Variants in C1orf167 observed in about 807,000 individuals in gnomAD.
The protein encoded by C1orf167 is uncharacterized protein C1orf167.
C1orf167 carries 153 observed loss-of-function variants against 176.5 expected under a neutral mutation model. That is an observed-to-expected ratio of 0.87 (90% confidence interval 0.76 to 0.99). The LOEUF is 0.99. Ranked by LOEUF, C1orf167 falls within the 50% of genes least tolerant of loss-of-function variation. The probability of loss-of-function intolerance (pLI) is 0.00; values close to 1 mark genes in which losing one functional copy is unlikely to be tolerated. For missense variants in C1orf167, 1,490 were observed against 1,817.7 expected, an observed-to-expected ratio of 0.82 and a Z score of 3.28; for synonymous variants, 594 against 752.7, an observed-to-expected ratio of 0.79 and a Z score of 3.45.
At chr1:11,763,550 A>G (rs929969512) in intron 1 of C1orf167, among the ~76,000 whole-genome samples, 1 of 152,172 alleles carries the variant, frequency 6.6e-6, no homozygotes, top group Non-Finnish European at 1.5e-5. Context: ...CTTTGTTTCA[A>G]TATAACTTTA....
At chr1:11,772,796 T>C (rs1459748459) in intron 8 of C1orf167, among the ~76,000 whole-genome samples, 1 of 152,158 alleles carries the variant, frequency 6.6e-6, no homozygotes, top group Non-Finnish European at 1.5e-5. Flanking sequence ...CCCAAGGGTG[T>C]ATGTGAATAC....
rs1434476603 is a variant in C1orf167, at chr1:11,764,484, TG to T, written c.70+17del. The T allele has an allele frequency of 1.6e-6, 2 of 1,288,610 alleles. No homozygotes were observed. The highest frequency in any genetic ancestry group is 3.0e-5 in the African/African-American group (2 of 65,846). 79.8% of individuals were successfully genotyped at this position (1,288,610 alleles called of 1,614,324 possible). ...TCCCGAAGCCAGGCAAGAGGCTTAG[TG>T]GGCCTGGATGGGCAGTTACAGGAGC... On this transcript the variant is annotated intron_variant, in intron 2 of 20. Coordinates refer to ENST00000688073, the MANE Select transcript of C1orf167 (RefSeq NM_001010881.2).
intron 13 of C1orf167, among the ~76,000 whole-genome samples, chr1:11,780,814 G>A (rs111480199): frequency 8.5e-5 from 13 of 152,092 alleles, no homozygotes; most frequent in South Asian, 2.1e-4. Flanking sequence ...AGGTTGAGGC[G>A]TGGGAAGGGG....
At chr1:11,771,084 T>A (rs1475574458) in intron 6 of C1orf167, among the ~76,000 whole-genome samples, 18 of 123,708 alleles carry the variant, frequency 1.5e-4, no homozygotes, top group South Asian at 1.1e-3. Context: ...TTTTTTTTTT[T>A]TTTTTTTTTT....
At chr1:11,786,254 A>T (rs1271420196) in intron 16 of C1orf167, 1 of 152,228 alleles carries the variant, frequency 6.6e-6, no homozygotes, top group Non-Finnish European at 1.5e-5. Flanking sequence ...AACCAAACAC[A>T]AAAAATGACA....
chr1:11,763,308 G>C (rs1243244869), intron 1 of C1orf167, among the ~76,000 whole-genome samples: 1 of 152,166 alleles, frequency 6.6e-6, no homozygotes, highest in Non-Finnish European at 1.5e-5. Context: ...TGGCGTGGTG[G>C]CATGTGCCTG....
intron 6 of C1orf167, among the ~76,000 whole-genome samples, chr1:11,769,339 CTT>C (rs1481994339): frequency 6.6e-6 from 1 of 152,210 alleles, no homozygotes; most frequent in Non-Finnish European, 1.5e-5. Context: ...AATCCCAACA[CTT>C]TGGGAGGCCT....
Position 11,779,755 on chromosome 1 carries a change from A to T in C1orf167, c.2652-47A>T, listed in dbSNP as rs964431001. The T allele has an allele frequency of 2.4e-6, 3 of 1,253,162 alleles. No individual in the cohort carries two copies. In the African/African-American group the frequency reaches 4.6e-5, roughly 19 times the overall value. 77.6% of individuals were successfully genotyped at this position (1,253,162 alleles called of 1,614,324 possible). On this transcript the variant is annotated intron_variant, in intron 12 of 20. Transcript: ENST00000688073. Reference sequence around the variant, plus strand: ...GAGGGTGGGGCAGGGCTGGCCTGGGATTTGGGGGACAGTGGCCATCCTCAG... The same window carrying T: ...GAGGGTGGGGCAGGGCTGGCCTGGGTTTTGGGGGACAGTGGCCATCCTCAG...
At chr1:11,780,384 ACT>A (rs1421621807) in intron 13 of C1orf167, among the ~76,000 whole-genome samples, 1 of 151,986 alleles carries the variant, frequency 6.6e-6, no homozygotes, top group East Asian at 1.9e-4. Context: ...AGGGACAGTG[ACT>A]CTGCAGAGTG....
At chr1:11,780,067 G>GTC in intron 13 of C1orf167, 57 bp downstream of exon 13, 2 of 1,184,892 alleles carry the variant, frequency 1.7e-6, no homozygotes, top group South Asian at 1.5e-5. Context: ...GGGTCTGTCT[G>GTC]AGACCCAGAC....
intron 1 of C1orf167, among the ~76,000 whole-genome samples, chr1:11,763,639 G>A (rs968634710): frequency 3.9e-5 from 6 of 152,188 alleles, no homozygotes; most frequent in African/African-American, 1.4e-4. Context: ...GGGGCATTGA[G>A]GGGGCTGGAG....
chr1:11,781,198 A>G (rs934235264), intron 13 of C1orf167, among the ~76,000 whole-genome samples: 1 of 151,806 alleles, frequency 6.6e-6, no homozygotes, highest in African/African-American at 2.4e-5. Context: ...GGGTTTCACC[A>G]TGTTGGCCAG....
At chr1:11,763,077 G>C (rs1302069512) in intron 1 of C1orf167, among the ~76,000 whole-genome samples, 1 of 152,184 alleles carries the variant, frequency 6.6e-6, no homozygotes, top group African/African-American at 2.4e-5. Flanking sequence ...CAGGGGGCTG[G>C]TGTGTGTGGA....
chr1:11,789,045 C>T (rs1394853386), intron 20 of C1orf167: 3 of 407,876 alleles, frequency 7.4e-6, no homozygotes, highest in Non-Finnish European at 4.6e-6. Context: ...GGGTCCTGAG[C>T]GCCCCCTCCC....
rs1385146359 is a variant in C1orf167, at chr1:11,775,529, G to A, written c.2083G>A (p.Glu695Lys). The change falls in exon 9 of 21, where the codon GAA becomes AAA. Residue 695 changes from glutamate to lysine, a missense_variant. Glu to Lys is a moderately conservative substitution (Grantham distance 56). Transcript: ENST00000688073. The part of the protein sequence containing the change: ...RRTGTLRKCL[E>K]QWVRMKQLRE... Reference sequence around the variant, plus strand: ...GACGGGGACCCTGAGGAAATGCCTGGAACAGTGGGTGCGGATGAAGCAGCT... The same window carrying A: ...GACGGGGACCCTGAGGAAATGCCTGAAACAGTGGGTGCGGATGAAGCAGCT... The A allele has an allele frequency of 2.6e-5, 34 of 1,304,166 alleles. No individual in the cohort carries two copies. Among genetic ancestry groups the A allele is most frequent in the Non-Finnish European group, 3.4e-5 (34 of 988,956 alleles). The allele number at this position is 1,304,166 out of a possible 1,614,324, so 80.8% of individuals were successfully genotyped here.
At chr1:11,767,816 ACT>A (rs1271970791) in intron 4 of C1orf167, among the ~76,000 whole-genome samples, 5 of 151,618 alleles carry the variant, frequency 3.3e-5, no homozygotes, top group Non-Finnish European at 7.4e-5. Context: ...ACAGAGCAAG[ACT>A]CTGTCTCAAA....
intron 4 of C1orf167, 105 bp downstream of exon 4, chr1:11,767,369 G>A (rs1313962465): frequency 1.9e-6 from 2 of 1,027,862 alleles, no homozygotes; most frequent in Non-Finnish European, 2.6e-6. Flanking sequence ...CTGATGGAGA[G>A]GAGGCAGGGT....
At chr1:11,771,045 G>GTATA (rs1557726743) in intron 6 of C1orf167, among the ~76,000 whole-genome samples, 4 of 68,634 alleles carry the variant, frequency 5.8e-5, no homozygotes, top group East Asian at 3.6e-4. Context: ...GTGTGTGTGT[G>GTATA]TGTGTATATA....
chr1:11,782,343 C>G lies in C1orf167; in HGVS notation c.3005+10C>G. 8.1e-7 allele frequency: 1 copy of G among 1,232,686 alleles called. No individual in the cohort carries two copies. Among genetic ancestry groups the G allele is most frequent in the Admixed American group, 3.0e-5 (1 of 33,480 alleles). The allele number at this position is 1,232,686 out of a possible 1,614,324, so 76.4% of individuals were successfully genotyped here. A position where few individuals can be genotyped will look rare whatever the true frequency, so the allele number is the denominator to read the frequency against. The stretch of plus-strand genomic sequence containing the variant: ...AGCTGCTACTGCAGAGGTGGGTGGG[C>G]CTGGGGGTGGGAGGGTGTTGGTCCT... On this transcript the variant is annotated intron_variant, in intron 14 of 20. Transcript: ENST00000688073.
Sources: gnomAD v4.1 joint callset for allele counts (sites outside exome capture counted in the v4.1 genomes callset) on GRCh38, gnomAD v4.1.1 for gene constraint, MANE v1.5 for transcripts, NCBI Gene and HGNC (gene_info 2026-07-23, HGNC 2026-07-21) for gene names.